The following SOS2 variants were observed in gnomAD, a reference collection of about 807,000 sequenced individuals.
SOS2 encodes SOS Ras/Rho guanine nucleotide exchange factor 2.
A neutral mutation model predicts 148.2 loss-of-function variants in SOS2; 65 were observed. The observed-to-expected ratio is 0.44, with a 90% CI of 0.36 to 0.54. The LOEUF (loss-of-function observed/expected upper bound fraction) is 0.54, where lower values mean the gene tolerates loss of function less well. SOS2 is among the 20% of genes least tolerant of loss of function. SOS2 has a pLI of 0.00. For missense variants in SOS2, 1,341 were observed against 1,590.2 expected, an observed-to-expected ratio of 0.84 and a Z score of 2.67; for synonymous variants, 539 against 537.1, an observed-to-expected ratio of 1.00 and a Z score of -0.05.
intron 4 of SOS2, among the ~76,000 whole-genome samples, chr14:50,189,712 A>G (rs1030813450): frequency 6.6e-6 from 1 of 152,196 alleles, no homozygotes; most frequent in African/African-American, 2.4e-5. Flanking sequence ...TGCTAAACCC[A>G]AACATCTCAC....
intron 8 of SOS2, among the ~76,000 whole-genome samples, chr14:50,166,222 A>G (rs1555370483): frequency 6.6e-6 from 1 of 152,106 alleles, no homozygotes; most frequent in Non-Finnish European, 1.5e-5. Context: ...TTAATGGGTA[A>G]TATCTTTTCT....
At chr14:50,128,208 G>T (rs80015383) in intron 21 of SOS2, among the ~76,000 whole-genome samples, 1 of 152,130 alleles carries the variant, frequency 6.6e-6, no homozygotes, top group Admixed American at 6.5e-5. Context: ...AAAGTTCTAG[G>T]ATGACAGCAG....
intron 8 of SOS2, among the ~76,000 whole-genome samples, chr14:50,166,935 C>A (rs1037646285): frequency 1.3e-5 from 2 of 152,036 alleles, no homozygotes; most frequent in African/African-American, 4.8e-5. Flanking sequence ...AGGCTGGGCA[C>A]ACGGGCTCAT....
intron 1 of SOS2, among the ~76,000 whole-genome samples, chr14:50,221,069 T>C (rs1021655206): frequency 2.6e-5 from 4 of 152,212 alleles, no homozygotes; most frequent in African/African-American, 9.7e-5. Flanking sequence ...TACAGGAACA[T>C]GTTTCTAAGA....
chr14:50,120,674 A>G (rs1883472046), intron 21 of SOS2, among the ~76,000 whole-genome samples: 1 of 152,114 alleles, frequency 6.6e-6, no homozygotes, highest in African/African-American at 2.4e-5. Flanking sequence ...TCACAAATCA[A>G]AACAAAACAT....
intron 18 of SOS2, among the ~76,000 whole-genome samples, chr14:50,136,847 C>T (rs901751066): frequency 5.9e-5 from 9 of 152,166 alleles, no homozygotes; most frequent in African/African-American, 1.7e-4. Flanking sequence ...ACCTCAGCCT[C>T]TCAAAGTGCT....
In SOS2 at chr14:50,180,027, C is replaced by CA. The variant is rs529568232; in HGVS notation, c.969+544dup. On this transcript the variant is annotated intron_variant, in intron 7 of 22. Transcript: ENST00000216373. Reference sequence around the variant, plus strand: ...TTATTTTTCTATTTATTTTTTGAGACAGAGTCTCACTATTCCACCCAAGCT... The same window carrying CA: ...TTATTTTTCTATTTATTTTTTGAGACAAGAGTCTCACTATTCCACCCAAGCT... Among the ~76,000 whole-genome samples, 194 of 151,372 alleles carry CA rather than the reference C, an allele frequency of 1.3e-3. 1 individual carries two copies. The highest frequency in any genetic ancestry group is 2.2e-3 in the Non-Finnish European group (151 of 67,842).
At chr14:50,122,704 C>G (rs990807905) in intron 21 of SOS2, among the ~76,000 whole-genome samples, 2 of 152,134 alleles carry the variant, frequency 1.3e-5, no homozygotes, top group African/African-American at 4.8e-5. Flanking sequence ...ATCAATAACC[C>G]TTGCTGAAGT....
In SOS2 at chr14:50,192,700, C is replaced by T. The variant is rs139410025; in HGVS notation, c.511-4000G>A. On this transcript the variant is annotated intron_variant, in intron 4 of 22. Transcript: ENST00000216373. ...CCAACACGGCAAAACCCTGTCTTTA[C>T]TAAAAATACAAAAATTAGCCAGGCG... 7.3e-3 allele frequency among the ~76,000 whole-genome samples: 1,117 copies of T among 152,042 alleles called. 3 individuals carry two copies. Among genetic ancestry groups the T allele is most frequent in the Non-Finnish European group, 0.012 (824 of 67,980 alleles).
chr14:50,154,075 A>G (rs1381870214), intron 12 of SOS2, among the ~76,000 whole-genome samples: 1 of 152,214 alleles, frequency 6.6e-6, no homozygotes, highest in Non-Finnish European at 1.5e-5. Context: ...GAAAGGAAAG[A>G]CAAGGGGAGA....
chr14:50,231,880 A>G (rs867224115), upstream of SOS2, among the ~76,000 whole-genome samples: 75 of 152,248 alleles, frequency 4.9e-4, 1 homozygote, highest in Middle Eastern at 0.017. Flanking sequence ...AGCAGCGCAG[A>G]GTGCCTTGGG....
rs34333845 is a variant in SOS2 at position 50,174,336 on chromosome 14, TTAAA to T, written c.1068+114_1068+117del. ...AGAGCAATGTTACATATAAAAATTA[TTAAA>T]TACTTACATAAAATAAGAATTAAAA... On this transcript the variant is annotated intron_variant, in intron 8 of 22. Transcript: ENST00000216373. 0.87 allele frequency: 388,700 copies of T among 444,336 alleles called. 170,298 individuals are homozygous for T. The highest frequency in any genetic ancestry group is 0.92 in the East Asian group (28,309 of 30,744). 27.5% of individuals were successfully genotyped at this position (444,336 alleles called of 1,614,324 possible). A position where few individuals can be genotyped will look rare whatever the true frequency, so the allele number is the denominator to read the frequency against.
At position 50,172,419 on chromosome 14, in the gene SOS2, C is replaced by CTTTTTTTTTTTTTTTTTTTTTTTTT. The variant is rs768766517; in HGVS notation, c.1068+2034_1068+2035insAAAAAAAAAAAAAAAAAAAAAAAAA. ...ATGGGTAGTTTCTCTTTATTCATTC[C>CTTTTTTTTTTTTTTTTTTTTTTTTT]TTTTTTTTTTTTTTCTGAGATGGAG... On this transcript the variant is annotated intron_variant, in intron 8 of 22. Transcript: ENST00000216373. 1.8e-4 allele frequency among the ~76,000 whole-genome samples: 15 copies of CTTTTTTTTTTTTTTTTTTTTTTTTT among 82,766 alleles called. 4 individuals are homozygous for CTTTTTTTTTTTTTTTTTTTTTTTTT. Among genetic ancestry groups the CTTTTTTTTTTTTTTTTTTTTTTTTT allele is most frequent in the Non-Finnish European group, 2.0e-4 (9 of 44,974 alleles). The allele number at this position is 82,766 out of a possible 152,430, so 54.3% of individuals were successfully genotyped here.
chr14:50,122,391 C>CTTTTTTTTT (rs71118839), intron 21 of SOS2, among the ~76,000 whole-genome samples: 15 of 88,308 alleles, frequency 1.7e-4, no homozygotes, highest in African/African-American at 1.9e-4. Flanking sequence ...GAACCCTGGG[C>CTTTTTTTTT]TTTTTTTTTT....
chr14:50,160,041 G>C lies in SOS2; in HGVS notation c.1242C>G (p.His414Gln). 6.2e-7 allele frequency: 1 copy of C among 1,613,696 alleles called. No homozygotes were observed. Among genetic ancestry groups the C allele is most frequent in the Non-Finnish European group, 8.5e-7 (1 of 1,179,870 alleles). The change falls in exon 10 of 23, where the codon CAC (histidine) becomes CAG (glutamine). Residue 414 changes from histidine (H) to glutamine (Q), a missense_variant. By Grantham distance (24) the His-to-Gln change is conservative. Transcript: ENST00000216373. ...PFYSHQLRSK[H>Q]LAIKKMNEIQ... ...TTTCATTCATTTTTTTGATAGCCAG[G>C]TGTTTGCTTCTTAATTGGTGACTAT...
chr14:50,144,012 C>T (rs2139572092), intron 16 of SOS2, among the ~76,000 whole-genome samples: 1 of 151,948 alleles, frequency 6.6e-6, no homozygotes, highest in South Asian at 2.1e-4. Flanking sequence ...TATCCTGCTA[C>T]GAAACACCTT....
At position 50,134,209 on chromosome 14, in the gene SOS2, T is replaced by C; in HGVS notation, c.2989A>G (p.Ser997Gly). Residue 997 changes from serine to glycine, a missense_variant, in exon 19 of 23, where the codon AGT becomes GGT. Coordinates refer to ENST00000216373, the MANE Select transcript of SOS2 (RefSeq NM_006939.4). ...TCTGTAAACTCTTTTTCAGATGCAC[T>C]TCCCATGGGGTTAAGGTTTTCAAAG... ...RFFENLNPMG[S>G]ASEKEFTDYL... 6.2e-7 allele frequency: 1 copy of C among 1,601,328 alleles called. No individual in the cohort carries two copies. Among genetic ancestry groups the C allele is most frequent in the Non-Finnish European group, 8.6e-7 (1 of 1,169,044 alleles).
At chr14:50,167,824 C>A (rs911110158) in intron 8 of SOS2, among the ~76,000 whole-genome samples, 2 of 130,440 alleles carry the variant, frequency 1.5e-5, no homozygotes, top group African/African-American at 2.9e-5. Context: ...GAGCCGAGAT[C>A]ACCACTGCAC....
chr14:50,199,871 ATAATT>A lies in SOS2; in HGVS notation c.346-21_346-17del, dbSNP rs774827492. The A allele has an allele frequency of 3.3e-6, 5 of 1,509,738 alleles. No individual in the cohort carries two copies. The South Asian group carries it at 3.7e-5, about 11-fold the overall frequency. The allele number at this position is 1,509,738 out of a possible 1,614,324, so 93.5% of individuals were successfully genotyped here. Reference sequence around the variant, plus strand: ...CTAATACTTCCTGTGAAAAGAATAAATAATTTAATTGCAAAATGTAGCACTGTCAA... The same window carrying A: ...CTAATACTTCCTGTGAAAAGAATAAATAATTGCAAAATGTAGCACTGTCAA... On this transcript the variant is annotated splice_polypyrimidine_tract_variant and intron_variant, in intron 3 of 22. Transcript: ENST00000216373.
Sources: gnomAD v4.1 joint callset for allele counts (sites outside exome capture counted in the v4.1 genomes callset) on GRCh38, gnomAD v4.1.1 for gene constraint, MANE v1.5 for transcripts, NCBI Gene and HGNC (gene_info 2026-07-23, HGNC 2026-07-21) for gene names.